DNMT1: variants seen among roughly 807,000 people sequenced by gnomAD.
The protein encoded by DNMT1 is DNA methyltransferase 1, also known as DNA (cytosine-5)-methyltransferase 1.
DNMT1 carries 24 observed loss-of-function variants against 205.3 expected under a neutral mutation model. That is an observed-to-expected ratio of 0.12 (90% CI 0.08 to 0.16). DNMT1 has a LOEUF of 0.16. Among genes scored for constraint, DNMT1 ranks in the 10% least tolerant of loss-of-function variants. The pLI is 1.00. For missense variants in DNMT1, 1,293 were observed against 2,177.7 expected (o/e 0.59, Z 8.09); for synonymous variants, 817 against 839.8 (o/e 0.97, Z 0.47).
Position 10,141,137 on chromosome 19 carries a change from C to G in DNMT1, c.3362G>C (p.Ser1121Thr). The G allele has an allele frequency of 6.2e-7, 1 of 1,614,042 alleles. No homozygotes were observed. Among genetic ancestry groups the G allele is most frequent in the Non-Finnish European group, 8.5e-7 (1 of 1,180,040 alleles). ...SFEDPPNHAR[S>T]PGNKGKGKGK... ...CTTGCCCTTCCCTTTGTTTCCAGGG[C>G]TACGGGCATGGTTGGGAGGATCTTC... The change falls in exon 31 of 41, where the codon AGC becomes ACC. Residue 1121 changes from serine to threonine, a missense_variant. Transcript: ENST00000359526.
chr19:10,170,790 T>C (rs1002729811), intron 9 of DNMT1, among the ~76,000 whole-genome samples: 3 of 150,104 alleles, frequency 2.0e-5, no homozygotes, highest in African/African-American at 7.3e-5. Context: ...TTTGTTTGTT[T>C]TGTTTGTTTG....
intron 8 of DNMT1, among the ~76,000 whole-genome samples, chr19:10,173,645 C>T (rs572361134): frequency 6.6e-6 from 1 of 152,148 alleles, no homozygotes; most frequent in South Asian, 2.1e-4. Flanking sequence ...GCACATTCCA[C>T]CACGCCCAGC....
At chr19:10,165,978 G>GT (rs1171220117) in intron 11 of DNMT1, among the ~76,000 whole-genome samples, 1 of 152,150 alleles carries the variant, frequency 6.6e-6, no homozygotes, top group African/African-American at 2.4e-5. Context: ...TCTCTAGATT[G>GT]TAACAGGCAG....
At chr19:10,164,260 C>T (rs762252049) in intron 11 of DNMT1, among the ~76,000 whole-genome samples, 5 of 152,142 alleles carry the variant, frequency 3.3e-5, no homozygotes, top group African/African-American at 9.7e-5. Flanking sequence ...TCTCCTGCCT[C>T]GGCCTCTCTA....
intron 2 of DNMT1, 85 bp downstream of exon 2, chr19:10,181,956 T>C: frequency 1.6e-6 from 2 of 1,287,300 alleles, no homozygotes; most frequent in African/African-American, 1.5e-5. Flanking sequence ...GCAAAATCCA[T>C]TTAAAGAAAA....
In DNMT1 at chr19:10,140,320, C is replaced by G. The variant is rs776723837; in HGVS notation, c.3532G>C (p.Asp1178His). Residue 1178 changes from aspartate to histidine, a missense_variant, in exon 33 of 41, where the codon GAC becomes CAC. Physicochemically the swap from Asp to His is moderately conservative, Grantham distance 81 (BLOSUM62 -1). Coordinates refer to ENST00000359526, the MANE Select transcript of DNMT1 (RefSeq NM_001130823.3). The surrounding 1 kb of genome is among the most constrained non-coding windows in gnomAD (Gnocchi z 8.4). ...CACATCTCGATGGCCCACAGCGTGT[C>G]AGAGATGCCTGGCAGATCAAGCACG... ...SEGFHQAGISDTLWAIEMWDP... is the reference protein window; with the variant it reads ...SEGFHQAGISHTLWAIEMWDP... 3.1e-6 allele frequency: 5 copies of G among 1,613,566 alleles called. No individual in the cohort carries two copies. Among genetic ancestry groups the G allele is most frequent in the Admixed American group, 1.7e-5 (1 of 59,996 alleles).
intron 29 of DNMT1, among the ~76,000 whole-genome samples, chr19:10,143,059 G>A (rs765568053): frequency 9.9e-5 from 15 of 152,168 alleles, no homozygotes; most frequent in Admixed American, 5.2e-4. Flanking sequence ...CAAGTTACTC[G>A]GGTCTTAGAA....
At position 10,156,376 on chromosome 19, in the gene DNMT1, C is replaced by G. The variant is rs769013455; in HGVS notation, c.1399+15G>C. ...TTAAAGTGTGCCCCAAACATAATCC[C>G]GGACTATTCCTTACCTTCAAGAGAT... On this transcript the variant is annotated intron_variant, in intron 18 of 40. Transcript: ENST00000359526. This position sits in a 1 kb window ranked among gnomAD's most constrained non-coding sequence, Gnocchi z 4.2. 6.3e-7 allele frequency: 1 copy of G among 1,591,424 alleles called. No homozygotes were observed. Among genetic ancestry groups the G allele is most frequent in the Admixed American group, 1.7e-5 (1 of 59,792 alleles).
At chr19:10,194,749 G>T (rs888073426) in intron 1 of DNMT1, 71 bp downstream of exon 1, 12 of 1,516,264 alleles carry the variant, frequency 7.9e-6, no homozygotes, top group Non-Finnish European at 9.7e-6. Context: ...CGGCCACCCC[G>T]AGGGGAAGCG....
intron 11 of DNMT1, among the ~76,000 whole-genome samples, chr19:10,164,335 G>T (rs866645165): frequency 4.6e-5 from 7 of 152,120 alleles, no homozygotes; most frequent in Admixed American, 3.9e-4. Flanking sequence ...TAGAGCTGGG[G>T]TTTCACCATG....
At chr19:10,168,733 T>C (rs1156917199) in intron 9 of DNMT1, among the ~76,000 whole-genome samples, 1 of 152,244 alleles carries the variant, frequency 6.6e-6, no homozygotes, top group Non-Finnish European at 1.5e-5. Flanking sequence ...AAAGTAACTT[T>C]ATTATAAATC....
intron 1 of DNMT1, among the ~76,000 whole-genome samples, chr19:10,193,146 G>A (rs1324578943): frequency 6.6e-6 from 1 of 152,122 alleles, no homozygotes; most frequent in Non-Finnish European, 1.5e-5. Context: ...TTGAGGGCAG[G>A]GGTTTAAGAC....
intron 39 of DNMT1, 84 bp from the exon 40 acceptor site, chr19:10,134,391 G>C (rs148191381): frequency 7.6e-7 from 1 of 1,312,388 alleles, no homozygotes; most frequent in Non-Finnish European, 1.1e-6. Context: ...CCCCTGCTCA[G>C]ATGGAGGACA....
intron 1 of DNMT1, among the ~76,000 whole-genome samples, chr19:10,184,899 C>T (rs1396397159): frequency 6.6e-6 from 1 of 152,216 alleles, no homozygotes; most frequent in Non-Finnish European, 1.5e-5. Flanking sequence ...AGAAGTGGCT[C>T]CTCCAGGCTG....
chr19:10,186,445 A>G (rs915324940), intron 1 of DNMT1, among the ~76,000 whole-genome samples: 7 of 152,096 alleles, frequency 4.6e-5, no homozygotes, highest in Non-Finnish European at 1.0e-4. Flanking sequence ...GACGGAGCAG[A>G]GGACTCAGAA....
chr19:10,182,017 G>C lies in DNMT1; in HGVS notation c.117+24C>G, dbSNP rs764968317. 28 of 1,608,368 alleles carry C rather than the reference G, an allele frequency of 1.7e-5. No individual in the cohort carries two copies. In the South Asian group the frequency reaches 3.0e-4, roughly 17 times the overall value. The stretch of plus-strand genomic sequence containing the variant: ...GTGTGTCAGTCAGATTTGGTAATAA[G>C]AAAAATTTTAAGGTGGAGATTACCT... On this transcript the variant is annotated intron_variant, in intron 2 of 40. Transcript: ENST00000359526.
intron 14 of DNMT1, 72 bp downstream of exon 14, chr19:10,160,312 T>C: frequency 6.2e-7 from 1 of 1,605,304 alleles, no homozygotes; most frequent in Non-Finnish European, 8.5e-7. Flanking sequence ...CTGAAACCCC[T>C]TCCCTTTTGT....
intron 28 of DNMT1, among the ~76,000 whole-genome samples, chr19:10,144,936 G>A (rs1032840324): frequency 2.0e-5 from 3 of 152,204 alleles, no homozygotes; most frequent in African/African-American, 7.2e-5. Context: ...GTAGAGACAG[G>A]TATGTCGGCC....
Position 10,194,502 on chromosome 19 carries a change from C to T in DNMT1, c.80+318G>A, listed in dbSNP as rs565333491. ...CTGGAGTCAAGAGCCCGGCCCACCG[C>T]TGCTTGAAGAAGGGGACCCCGGAAA... On this transcript the variant is annotated intron_variant, in intron 1 of 40. Coordinates refer to ENST00000359526, the MANE Select transcript of DNMT1 (RefSeq NM_001130823.3). The T allele has an allele frequency of 1.3e-3, 327 of 254,696 alleles. 2 individuals carry two copies. The highest frequency in any genetic ancestry group is 6.9e-3 in the South Asian group (91 of 13,164). 15.8% of individuals were successfully genotyped at this position (254,696 alleles called of 1,614,324 possible).
Sources: gnomAD v4.1 joint callset for allele counts (sites outside exome capture counted in the v4.1 genomes callset) on GRCh38, gnomAD v4.1.1 for gene constraint, Gnocchi (gnomAD v3.1) non-coding constraint, MANE v1.5 for transcripts, NCBI Gene and HGNC (gene_info 2026-07-23, HGNC 2026-07-21) for gene names.